Variants in PCSK5 observed in about 807,000 individuals in gnomAD.
PCSK5 encodes the protein prohormone convertase 5.
PCSK5 carries 129 observed loss-of-function variants against 233.2 expected under a neutral mutation model. The ratio of observed to expected loss-of-function variants is 0.55; its 90% CI spans 0.48 to 0.64. The LOEUF is 0.64. Ranked by LOEUF, PCSK5 falls within the 30% of genes least tolerant of loss-of-function variation. The pLI, the probability that PCSK5 is intolerant of heterozygous loss-of-function variation, is 0.00. For missense variants in PCSK5, 2,076 were observed against 2,430.1 expected (o/e 0.85, Z 3.06); for synonymous variants, 825 against 879.2 (o/e 0.94, Z 1.09).
At chr9:76,315,110 G>A (rs917403738) in intron 30 of PCSK5, among the ~76,000 whole-genome samples, 3 of 150,974 alleles carry the variant, frequency 2.0e-5, no homozygotes, top group Admixed American at 6.6e-5. Flanking sequence ...CCATCACCAC[G>A]CCCAGCTAAT....
In PCSK5 at chr9:76,193,400, A is replaced by G. The variant is rs1824510453; in HGVS notation, c.2626+3654A>G. 5.2e-6 allele frequency: 6 copies of G among 1,160,022 alleles called. No homozygotes were observed. In the East Asian group the frequency reaches 1.5e-4, roughly 29 times the overall value. 71.9% of individuals were successfully genotyped at this position (1,160,022 alleles called of 1,614,324 possible). ...TTCCTGTAGACTTATAGATTATTCCATATTATTAAAAAGAAAAAAGCCAAA... is the reference window on the plus strand; with the variant it reads ...TTCCTGTAGACTTATAGATTATTCCGTATTATTAAAAAGAAAAAAGCCAAA... On this transcript the variant is annotated intron_variant, in intron 20 of 37. Coordinates refer to ENST00000674117, the MANE Select transcript of PCSK5 (RefSeq NM_001372043.1).
intron 10 of PCSK5, among the ~76,000 whole-genome samples, chr9:76,135,716 G>C (rs1822942885): frequency 1.3e-5 from 2 of 152,044 alleles, no homozygotes. Context: ...AATCCATGAG[G>C]CTGCAGGGGA....
intron 24 of PCSK5, among the ~76,000 whole-genome samples, chr9:76,260,410 T>A (rs1040735461): frequency 2.0e-5 from 3 of 152,176 alleles, no homozygotes; most frequent in African/African-American, 7.2e-5. Flanking sequence ...GTGGACTCAA[T>A]CTGAGCTCAT....
chr9:75,938,616 AAAGTGCAATAAAGAG>A (rs1193552790), intron 2 of PCSK5, among the ~76,000 whole-genome samples: 1 of 152,258 alleles, frequency 6.6e-6, no homozygotes, highest in Non-Finnish European at 1.5e-5. Context: ...CAATATCTGC[AAAGTGCAATAAAGAG>A]AAGTGCAATA....
At chr9:76,210,065 G>A (rs562985812) in intron 20 of PCSK5, among the ~76,000 whole-genome samples, 2 of 152,160 alleles carry the variant, frequency 1.3e-5, no homozygotes, top group African/African-American at 2.4e-5. Context: ...CAGAGCATGA[G>A]GATGTGTCTT....
At chr9:75,986,465 C>T (rs67106928) in intron 3 of PCSK5, among the ~76,000 whole-genome samples, 16,302 of 152,222 alleles carry the variant, frequency 0.11, 1,108 homozygotes, top group Middle Eastern at 0.2. Flanking sequence ...AAGGGAGTTC[C>T]GACTCACAGA....
At chr9:76,189,371 C>G in intron 19 of PCSK5, 148 bp downstream of exon 19, 1 of 733,990 alleles carries the variant, frequency 1.4e-6, no homozygotes, top group Non-Finnish European at 2.2e-6. Context: ...AGCTTTCACC[C>G]AGCTTATCAT....
intron 2 of PCSK5, among the ~76,000 whole-genome samples, chr9:75,983,382 G>C (rs1420492715): frequency 2.6e-5 from 4 of 152,134 alleles, no homozygotes. Context: ...CTGAGATTAT[G>C]AGGGCAGGCT....
chr9:76,207,857 A>G (rs1186387021), intron 20 of PCSK5, among the ~76,000 whole-genome samples: 1 of 152,202 alleles, frequency 6.6e-6, no homozygotes, highest in Non-Finnish European at 1.5e-5. Context: ...TCCTGCTGCT[A>G]TAACAGAATA....
intron 5 of PCSK5, among the ~76,000 whole-genome samples, chr9:76,064,271 C>T (rs1249655392): frequency 1.3e-4 from 13 of 98,482 alleles, no homozygotes; most frequent in Non-Finnish European, 2.2e-4. Context: ...GGTGGCTGGC[C>T]GGGCTAAGGG....
intron 29 of PCSK5, among the ~76,000 whole-genome samples, chr9:76,310,373 G>A (rs1308963499): frequency 6.6e-6 from 1 of 152,138 alleles, no homozygotes; most frequent in Non-Finnish European, 1.5e-5. Flanking sequence ...AAGACATAGA[G>A]AGTGTGTTAA....
intron 2 of PCSK5, among the ~76,000 whole-genome samples, chr9:75,955,237 G>A (rs572654865): frequency 2.6e-5 from 4 of 152,092 alleles, no homozygotes; most frequent in Non-Finnish European, 4.4e-5. Context: ...TCACTATGCC[G>A]GGCTATCTCC....
intron 3 of PCSK5, among the ~76,000 whole-genome samples, chr9:76,002,539 A>C (rs928583485): frequency 2.0e-5 from 3 of 152,234 alleles, no homozygotes; most frequent in African/African-American, 7.2e-5. Context: ...GGGAATTCTC[A>C]TAGACTTTGT....
At chr9:76,239,264 G>C in intron 23 of PCSK5, 99 bp downstream of exon 23, 4 of 966,910 alleles carry the variant, frequency 4.1e-6, no homozygotes, top group South Asian at 1.5e-5. Flanking sequence ...TGGCTTGCAT[G>C]TCAGCACTTG....
rs1262581085 is a variant in PCSK5, at chr9:76,282,455, G to T, written c.3143-9778G>T. ...CCACCTCAGCCTCCTGAGTAGCTGT[G>T]ACTACAAGCACTTGCCAATATGCCC... On this transcript the variant is annotated intron_variant, in intron 24 of 37. Transcript: ENST00000674117. Among the ~76,000 whole-genome samples, 10 of 148,180 alleles carry T rather than the reference G, an allele frequency of 6.7e-5. No individual in the cohort carries two copies. In the East Asian group the frequency reaches 2.0e-3, roughly 30 times the overall value.
At chr9:75,942,882 C>CTTTTTTTTTTT (rs35508069) in intron 2 of PCSK5, among the ~76,000 whole-genome samples, 5 of 112,952 alleles carry the variant, frequency 4.4e-5, no homozygotes, top group Admixed American at 2.0e-4. Context: ...TTTTCTTCTT[C>CTTTTTTTTTTT]TTCTTTTTTT....
chr9:76,067,464 C>G (rs1830325840), intron 5 of PCSK5, among the ~76,000 whole-genome samples: 2 of 152,106 alleles, frequency 1.3e-5, no homozygotes, highest in South Asian at 4.1e-4. Context: ...CACGTTTCTG[C>G]TAATAAATTG....
intron 5 of PCSK5, among the ~76,000 whole-genome samples, chr9:76,065,795 C>A (rs1280977915): frequency 6.6e-6 from 1 of 151,978 alleles, no homozygotes; most frequent in Non-Finnish European, 1.5e-5. Context: ...TCAGGTCTTA[C>A]ATTTTAATTT....
intron 24 of PCSK5, among the ~76,000 whole-genome samples, chr9:76,262,132 G>A (rs1001904749): frequency 1.3e-5 from 2 of 152,132 alleles, no homozygotes; most frequent in African/African-American, 2.4e-5. Context: ...GTATGATATT[G>A]GCTGTGATGG....
Sources: gnomAD v4.1 joint callset for allele counts (sites outside exome capture counted in the v4.1 genomes callset) on GRCh38, gnomAD v4.1.1 for gene constraint, MANE v1.5 for transcripts, NCBI Gene and HGNC (gene_info 2026-07-23, HGNC 2026-07-21) for gene names.